Variants in SWAP70 observed in about 807,000 individuals in gnomAD.
SWAP70 encodes the protein switch-associated protein 70.
SWAP70 carries 34 observed loss-of-function variants against 80.2 expected under a neutral mutation model. The ratio of observed to expected loss-of-function variants is 0.42; its 90% CI spans 0.32 to 0.56. The LOEUF (loss-of-function observed/expected upper bound fraction) is 0.56, where lower values mean the gene tolerates loss of function less well. Among genes scored for constraint, SWAP70 ranks in the 20% least tolerant of loss-of-function variants. SWAP70 has a pLI of 0.09. For synonymous variants in SWAP70, 239 were observed against 238.5 expected (o/e 1.00, Z -0.02); for missense variants, 578 against 690.7 (o/e 0.84, Z 1.83).
chr11:9,714,054 A>T (rs1360591682), intron 3 of SWAP70, among the ~76,000 whole-genome samples: 1 of 152,204 alleles, frequency 6.6e-6, no homozygotes, highest in Non-Finnish European at 1.5e-5. Flanking sequence ...TTCTTGTTTC[A>T]AAGTCCAGGG....
rs1851423750 is a variant in SWAP70 at position 9,740,562 on chromosome 11, G to T, written c.1355+215G>T. 3.3e-5 allele frequency: 19 copies of T among 572,996 alleles called. 1 individual carries two copies. In the South Asian group the frequency reaches 3.3e-4, roughly 10 times the overall value. The allele number at this position is 572,996 out of a possible 1,614,324, so 35.5% of individuals were successfully genotyped here. A position where few individuals can be genotyped will look rare whatever the true frequency, so the allele number is the denominator to read the frequency against. On this transcript the variant is annotated intron_variant, in intron 9 of 11. Coordinates refer to ENST00000318950, the MANE Select transcript of SWAP70 (RefSeq NM_015055.4). ...GCGCTGGGAAACCCTTGCTTCTGGG[G>T]CTAAATAAGGGCCTATTTTAGAGCA...
intron 1 of SWAP70, among the ~76,000 whole-genome samples, chr11:9,675,508 G>A (rs927963738): frequency 6.6e-6 from 1 of 151,594 alleles, no homozygotes; most frequent in African/African-American, 2.4e-5. Context: ...AGAAACAGAT[G>A]TTTGCTGGTT....
intron 2 of SWAP70, among the ~76,000 whole-genome samples, chr11:9,695,250 C>T (rs360046): frequency 0.11 from 16,771 of 151,490 alleles, 1,847 homozygotes; most frequent in African/African-American, 0.28. Context: ...GTCGAGATCA[C>T]GCCATTGCAT....
chr11:9,675,756 A>G (rs1352045014), intron 1 of SWAP70, among the ~76,000 whole-genome samples: 3 of 151,608 alleles, frequency 2.0e-5, no homozygotes, highest in Non-Finnish European at 4.4e-5. Context: ...CTCACTGGGC[A>G]TCTTCCTGGC....
chr11:9,727,948 C>T (rs1851246686), intron 4 of SWAP70, 105 bp from the exon 5 acceptor site: 22 of 1,122,802 alleles, frequency 2.0e-5, no homozygotes, highest in Non-Finnish European at 2.7e-5. Context: ...TTCATGTTTT[C>T]AGGATCATAT....
chr11:9,707,176 A>G (rs966982262), intron 2 of SWAP70, among the ~76,000 whole-genome samples: 1 of 152,222 alleles, frequency 6.6e-6, no homozygotes, highest in Non-Finnish European at 1.5e-5. Context: ...GTAAAAATAT[A>G]TAATGTAAAT....
intron 2 of SWAP70, among the ~76,000 whole-genome samples, chr11:9,711,051 T>C (rs1850991729): frequency 6.6e-6 from 1 of 151,552 alleles, no homozygotes; most frequent in Non-Finnish European, 1.5e-5. Context: ...TTTATTTATG[T>C]ATTTTTTATT....
At chr11:9,730,916 A>T (rs1457380519) in intron 6 of SWAP70, among the ~76,000 whole-genome samples, 1 of 151,958 alleles carries the variant, frequency 6.6e-6, no homozygotes. Flanking sequence ...GAGTTTTCCA[A>T]CCTCTTCCCC....
chr11:9,674,862 G>T (rs1472376608), intron 1 of SWAP70, among the ~76,000 whole-genome samples: 1 of 152,102 alleles, frequency 6.6e-6, no homozygotes, highest in Non-Finnish European at 1.5e-5. Context: ...CCAGCTACTC[G>T]GGAGGCTGAG....
At chr11:9,690,387 G>T (rs926809418) in intron 1 of SWAP70, among the ~76,000 whole-genome samples, 1 of 152,148 alleles carries the variant, frequency 6.6e-6, no homozygotes, top group African/African-American at 2.4e-5. Flanking sequence ...AGACCAGTCT[G>T]GCCAACATGG....
intron 2 of SWAP70, 37 bp from the exon 3 acceptor site, chr11:9,713,429 G>T: frequency 1.3e-6 from 2 of 1,587,800 alleles, no homozygotes; most frequent in South Asian, 1.2e-5. Context: ...GCTTATATCG[G>T]ACTGATTTGT....
chr11:9,685,967 ATTAAGT>A (rs1446596952), intron 1 of SWAP70, among the ~76,000 whole-genome samples: 5 of 152,166 alleles, frequency 3.3e-5, no homozygotes, highest in Non-Finnish European at 4.4e-5. Context: ...CACATTGGAG[ATTAAGT>A]TTCAACATAT....
intron 2 of SWAP70, among the ~76,000 whole-genome samples, chr11:9,707,615 G>T (rs1470015456): frequency 1.3e-5 from 2 of 149,052 alleles, no homozygotes; most frequent in African/African-American, 5.0e-5. Context: ...GAGTGTAGTG[G>T]TGCGATCTTG....
chr11:9,711,900 C>T (rs1851003675), intron 2 of SWAP70, among the ~76,000 whole-genome samples: 1 of 152,196 alleles, frequency 6.6e-6, no homozygotes, highest in Non-Finnish European at 1.5e-5. Flanking sequence ...TTATACCACC[C>T]TCCAGCACCA....
intron 7 of SWAP70, 61 bp from the exon 8 acceptor site, chr11:9,738,152 C>A: frequency 8.5e-7 from 1 of 1,177,702 alleles, no homozygotes; most frequent in Non-Finnish European, 1.2e-6. Flanking sequence ...CTGTCTCTCT[C>A]TCTTTAATGT....
chr11:9,675,850 G>A (rs11603527), intron 1 of SWAP70, among the ~76,000 whole-genome samples: 30,008 of 152,052 alleles, frequency 0.2, 3,793 homozygotes, highest in Non-Finnish European at 0.28. Flanking sequence ...TTGAGAGTAC[G>A]TAGGCCTTTA....
chr11:9,703,796 C>A (rs1181409004), intron 2 of SWAP70, among the ~76,000 whole-genome samples: 12 of 152,182 alleles, frequency 7.9e-5, no homozygotes, highest in South Asian at 4.1e-4. Flanking sequence ...ATACTGCAAA[C>A]CAGGCAGAGG....
At position 9,701,328 on chromosome 11, in the gene SWAP70, C is replaced by T. The variant is rs187849173; in HGVS notation, c.240+7042C>T. 1.5e-3 allele frequency among the ~76,000 whole-genome samples: 232 copies of T among 152,002 alleles called. 1 individual carries two copies. The highest frequency in any genetic ancestry group is 5.3e-3 in the African/African-American group (218 of 41,484). ...CTGGGATTACAGGTGCCTGCCACCA[C>T]GCCCAGCTACTTTTTGTGTTTTTAG... On this transcript the variant is annotated intron_variant, in intron 2 of 11. Transcript: ENST00000318950.
At chr11:9,713,198 A>C (rs902803507) in intron 2 of SWAP70, among the ~76,000 whole-genome samples, 1 of 152,240 alleles carries the variant, frequency 6.6e-6, no homozygotes, top group Non-Finnish European at 1.5e-5. Flanking sequence ...TAGTGTGTAC[A>C]CATGAAACGG....
Sources: gnomAD v4.1 joint callset for allele counts (sites outside exome capture counted in the v4.1 genomes callset) on GRCh38, gnomAD v4.1.1 for gene constraint, MANE v1.5 for transcripts, NCBI Gene and HGNC (gene_info 2026-07-23, HGNC 2026-07-21) for gene names.